Variants in MYO5B observed in about 807,000 individuals in gnomAD.
MYO5B encodes the protein myosin VB.
In MYO5B, 143 loss-of-function variants were observed where a neutral mutation model predicts 229.3. The ratio of observed to expected loss-of-function variants is 0.62; its 90% CI spans 0.54 to 0.72. The LOEUF (loss-of-function observed/expected upper bound fraction) is 0.72. Among genes scored for constraint, MYO5B ranks in the 30% least tolerant of loss-of-function variants. The probability of loss-of-function intolerance (pLI) is 0.00; values close to 1 mark genes in which losing one functional copy is unlikely to be tolerated. For missense variants in MYO5B, 2,321 were observed against 2,331.0 expected (o/e 1.00, Z 0.09); for synonymous variants, 918 against 885.2 (o/e 1.04, Z -0.66).
intron 27 of MYO5B, among the ~76,000 whole-genome samples, chr18:49,868,590 G>C (rs1489656906): frequency 6.6e-6 from 1 of 152,224 alleles, no homozygotes; most frequent in African/African-American, 2.4e-5. Flanking sequence ...CAGCTTCCAG[G>C]TCAGCACAGT....
chr18:49,937,127 G>A (rs2025259309), intron 15 of MYO5B, 118 bp downstream of exon 15: 1 of 1,226,158 alleles, frequency 8.2e-7, no homozygotes, highest in African/African-American at 1.5e-5. Context: ...GATGGCTGAG[G>A]CTACTGATGT....
intron 8 of MYO5B, among the ~76,000 whole-genome samples, chr18:49,980,779 T>A (rs1025044800): frequency 6.6e-6 from 1 of 152,018 alleles, no homozygotes; most frequent in African/African-American, 2.4e-5. Flanking sequence ...TTCACTATGA[T>A]CGTCCTGACC....
chr18:50,155,841 G>A (rs1327025301), intron 1 of MYO5B, among the ~76,000 whole-genome samples: 1 of 152,208 alleles, frequency 6.6e-6, no homozygotes, highest in Non-Finnish European at 1.5e-5. Flanking sequence ...TTTATGAAAT[G>A]TCACAGTGGC....
In MYO5B at chr18:49,849,611, T is replaced by C. The variant is rs200235904; in HGVS notation, c.4271A>G (p.Lys1424Arg). Residue 1424 changes from lysine to arginine, a missense_variant, in exon 32 of 40, where the codon AAA becomes AGA. By Grantham distance (26) the Lys-to-Arg change is conservative (BLOSUM62 2). Coordinates refer to ENST00000285039, the MANE Select transcript of MYO5B (RefSeq NM_001080467.3). ...EKLEKNERKL[K>R]KQLKIYMKKA... ...CTTCATGTAAATCTTCAGTTGCTTT[T>C]TGAGCTTCCTCTCATTCTTTTCCAG... 2.3e-5 allele frequency: 37 copies of C among 1,613,826 alleles called. No homozygotes were observed. The African/African-American group carries it at 3.1e-4, about 13-fold the overall frequency.
intron 1 of MYO5B, among the ~76,000 whole-genome samples, chr18:50,123,674 T>G (rs1438781971): frequency 6.6e-6 from 1 of 152,162 alleles, no homozygotes; most frequent in East Asian, 1.9e-4. Context: ...ACCACTGCAC[T>G]CCAGGCCTGG....
At chr18:49,939,169 A>C (rs1383494802) in intron 14 of MYO5B, among the ~76,000 whole-genome samples, 3 of 120,066 alleles carry the variant, frequency 2.5e-5, no homozygotes, top group East Asian at 2.3e-4. Flanking sequence ...TTTTTTTTGA[A>C]ACAGTCTCGC....
chr18:49,915,321 C>T (rs1236835130), intron 17 of MYO5B, among the ~76,000 whole-genome samples: 2 of 152,224 alleles, frequency 1.3e-5, no homozygotes, highest in Non-Finnish European at 1.5e-5. Flanking sequence ...CTGGCAACTA[C>T]TAACCTACTT....
intron 1 of MYO5B, among the ~76,000 whole-genome samples, chr18:50,146,424 G>C (rs1262643384): frequency 1.3e-5 from 2 of 152,220 alleles, no homozygotes; most frequent in Non-Finnish European, 2.9e-5. Flanking sequence ...CTGCCCGCTG[G>C]AGTGCCAGCA....
intron 10 of MYO5B, among the ~76,000 whole-genome samples, chr18:49,971,806 A>C (rs1011132791): frequency 3.1e-4 from 47 of 152,214 alleles, no homozygotes; most frequent in African/African-American, 9.7e-4. Context: ...AGAGAGTGTG[A>C]ACTCAGCACT....
Position 49,849,558 on chromosome 18 carries a change from C to A in MYO5B, c.4315+9G>T, listed in dbSNP as rs113660613. On this transcript the variant is annotated intron_variant, in intron 32 of 39. Transcript: ENST00000285039. ...GATTCACAAAACACACTCACTCACA[C>A]CCCCCTACCTTCTAGGTCCTGGGCT... 2,948 of 1,595,676 alleles carry A rather than the reference C, an allele frequency of 1.8e-3. 17 individuals carry two copies. The highest frequency in any genetic ancestry group is 0.013 in the African/African-American group (943 of 74,606).
chr18:49,862,315 T>C (rs1304589456), intron 29 of MYO5B, among the ~76,000 whole-genome samples: 1 of 152,108 alleles, frequency 6.6e-6, no homozygotes, highest in African/African-American at 2.4e-5. Context: ...TCCGTTTTTA[T>C]AGGTGCCCAC....
chr18:50,062,628 A>AC (rs1344818279), intron 1 of MYO5B, among the ~76,000 whole-genome samples: 1 of 152,036 alleles, frequency 6.6e-6, no homozygotes, highest in Non-Finnish European at 1.5e-5. Flanking sequence ...TAAGCCCTGC[A>AC]CCCCCTCCCA....
intron 16 of MYO5B, among the ~76,000 whole-genome samples, chr18:49,932,569 A>G (rs1407790167): frequency 1.3e-5 from 2 of 152,194 alleles, no homozygotes; most frequent in Non-Finnish European, 2.9e-5. Context: ...TGGGCAAGAC[A>G]CAGTCTCTCT....
chr18:50,194,684 G>C (rs537324535), intron 1 of MYO5B, 83 bp downstream of exon 1: 7 of 1,014,750 alleles, frequency 6.9e-6, no homozygotes, highest in Non-Finnish European at 1.0e-5. Flanking sequence ...TCCAGTAGCC[G>C]AGGGAGAAGG....
intron 21 of MYO5B, 60 bp downstream of exon 21, chr18:49,902,534 T>C: frequency 1.3e-6 from 2 of 1,599,746 alleles, no homozygotes; most frequent in Non-Finnish European, 1.7e-6. Context: ...CTGTGGGCTC[T>C]CTCAAAATGC....
intron 18 of MYO5B, among the ~76,000 whole-genome samples, chr18:49,910,830 G>A (rs1222187063): frequency 1.3e-5 from 2 of 152,210 alleles, no homozygotes; most frequent in East Asian, 3.9e-4. Context: ...TAAAATTTCT[G>A]AGGTAATTAT....
intron 14 of MYO5B, chr18:49,946,246 T>C (rs990847270): frequency 3.9e-5 from 6 of 152,116 alleles, no homozygotes; most frequent in East Asian, 1.9e-4. Context: ...TACTTACTGG[T>C]TGAGCATCCC....
chr18:49,953,485 A>C (rs1942416), intron 13 of MYO5B, 142 bp from the exon 14 acceptor site: 10,875 of 731,412 alleles, frequency 0.015, 134 homozygotes, highest in Non-Finnish European at 0.018. Flanking sequence ...TTAAAATGCA[A>C]ACCCAATAAA....
chr18:50,069,863 T>A (rs76262010), intron 1 of MYO5B, among the ~76,000 whole-genome samples: 1,769 of 152,138 alleles, frequency 0.012, 28 homozygotes, highest in African/African-American at 0.041. Flanking sequence ...TTCCAACCAA[T>A]CACCAAGACC....
Sources: gnomAD v4.1 joint callset for allele counts (sites outside exome capture counted in the v4.1 genomes callset) on GRCh38, gnomAD v4.1.1 for gene constraint, MANE v1.5 for transcripts, NCBI Gene and HGNC (gene_info 2026-07-23, HGNC 2026-07-21) for gene names.